Variants in SYNE2 observed in about 807,000 individuals in gnomAD.
SYNE2 encodes the protein spectrin repeat containing nuclear envelope protein 2, also known as nesprin-2.
SYNE2 carries 431 observed loss-of-function variants against 856.3 expected under a neutral mutation model. The observed-to-expected ratio is 0.50, with a 90% CI of 0.47 to 0.55. The LOEUF (loss-of-function observed/expected upper bound fraction) is 0.55, where lower values mean the gene tolerates loss of function less well. Among genes scored for constraint, SYNE2 ranks in the 20% least tolerant of loss-of-function variants. SYNE2 has a pLI of 0.00. For synonymous variants in SYNE2, 2,923 were observed against 2,872.3 expected, an observed-to-expected ratio of 1.02 and a Z score of -0.56; for missense variants, 8,129 against 8,023.2, an observed-to-expected ratio of 1.01 and a Z score of -0.50.
chr14:63,930,490 A>G (rs927399192), intron 2 of SYNE2, among the ~76,000 whole-genome samples: 2 of 149,574 alleles, frequency 1.3e-5, no homozygotes, highest in Non-Finnish European at 3.0e-5. Flanking sequence ...CCCTCTGTAC[A>G]CCTTCATCTG....
chr14:64,161,447 G>A (rs1218744745), intron 87 of SYNE2, among the ~76,000 whole-genome samples: 1 of 152,006 alleles, frequency 6.6e-6, no homozygotes, highest in Non-Finnish European at 1.5e-5. Context: ...GAACATTTGT[G>A]TAAACAGATA....
chr14:63,785,860 T>A (rs1887502949), intron 1 of SYNE2, among the ~76,000 whole-genome samples: 1 of 151,618 alleles, frequency 6.6e-6, no homozygotes, highest in African/African-American at 2.4e-5. Context: ...AGGTCCAGCA[T>A]TTTGGGAGGC....
At chr14:63,969,592 C>T (rs1022781805) in intron 11 of SYNE2, among the ~76,000 whole-genome samples, 2 of 152,078 alleles carry the variant, frequency 1.3e-5, no homozygotes, top group Non-Finnish European at 2.9e-5. Flanking sequence ...CCACCCGCCT[C>T]GGCCTCCCAA....
At chr14:64,094,434 T>C (rs2097659115) in intron 61 of SYNE2, among the ~76,000 whole-genome samples, 1 of 152,236 alleles carries the variant, frequency 6.6e-6, no homozygotes, top group South Asian at 2.1e-4. Context: ...TTTCAGTCTT[T>C]GTTTTTGAAG....
chr14:63,776,119 A>G (rs772195394), intron 1 of SYNE2, among the ~76,000 whole-genome samples: 1 of 152,214 alleles, frequency 6.6e-6, no homozygotes, highest in Non-Finnish European at 1.5e-5. Flanking sequence ...TCGATGCCAC[A>G]ATTAAAATGA....
chr14:64,170,477 G>A lies in SYNE2; in HGVS notation c.17235+15G>A, dbSNP rs770514146. 9.0e-5 allele frequency: 144 copies of A among 1,594,440 alleles called. No individual in the cohort carries two copies. The highest frequency in any genetic ancestry group is 1.0e-4 in the Non-Finnish European group (121 of 1,168,880). ...ATGAGCTGAAGGTAGTGTATGCATC[G>A]TAGCAGTGTGAGAACCACAGGGTGG... is the stretch of plus-strand genomic sequence containing the variant. On this transcript the variant is annotated intron_variant, in intron 94 of 115. Coordinates refer to ENST00000555002, the MANE Select transcript of SYNE2 (RefSeq NM_182914.3).
chr14:63,857,175 G>A (rs80134068), intron 1 of SYNE2, among the ~76,000 whole-genome samples: 1,598 of 152,260 alleles, frequency 0.01, 31 homozygotes, highest in African/African-American at 0.036. Context: ...GCCAATGATA[G>A]CTTTCTGTCT....
rs1275650183 is a variant in SYNE2, at chr14:63,876,489, T to A, written c.-52+23346T>A. 4.4e-5 allele frequency among the ~76,000 whole-genome samples: 5 copies of A among 112,650 alleles called. No homozygotes were observed. The Admixed American group carries it at 5.3e-4, about 12-fold the overall frequency. The allele number at this position is 112,650 out of a possible 152,430, so 73.9% of individuals were successfully genotyped here. ...AAAAAAAACAAGCAACAAGCAAATA[T>A]GTTCCTTTTTTTTTTTGAGACCGAG... On this transcript the variant is annotated intron_variant, in intron 1 of 115. Transcript: ENST00000555002.
At chr14:63,783,633 T>C (rs1887410079) in intron 1 of SYNE2, among the ~76,000 whole-genome samples, 3 of 152,178 alleles carry the variant, frequency 2.0e-5, no homozygotes, top group Admixed American at 2.0e-4. Flanking sequence ...CTGAATCTAA[T>C]TATGATGAAA....
Position 63,888,471 on chromosome 14 carries a change from C to T in SYNE2, c.-51-20627C>T, listed in dbSNP as rs971637010. On this transcript the variant is annotated intron_variant, in intron 1 of 115. Transcript: ENST00000555002. Reference sequence around the variant, plus strand: ...GGTCCTTGTTACTGCTGCCTATTCACCATTCCTACCCTCCTGGAAATTAGC... The same window carrying T: ...GGTCCTTGTTACTGCTGCCTATTCATCATTCCTACCCTCCTGGAAATTAGC... 7.2e-5 allele frequency among the ~76,000 whole-genome samples: 11 copies of T among 152,254 alleles called. No individual in the cohort carries two copies. In the East Asian group the frequency reaches 1.7e-3, roughly 24 times the overall value.
At chr14:64,041,586 T>C (rs559340927) in intron 45 of SYNE2, among the ~76,000 whole-genome samples, 2 of 152,276 alleles carry the variant, frequency 1.3e-5, no homozygotes, top group East Asian at 1.9e-4. Flanking sequence ...CTCTGGCTCA[T>C]GCCTGTAATC....
rs138754331 is a variant in SYNE2, at chr14:63,931,407, G to A, written c.80-9207G>A. On this transcript the variant is annotated intron_variant, in intron 2 of 115. Coordinates refer to ENST00000555002, the MANE Select transcript of SYNE2 (RefSeq NM_182914.3). ...TGTACTAAAAATACAAAAATTAGCC[G>A]GGCGTGGTGGAGGGCACCTGTAATC... Among the ~76,000 whole-genome samples, 770 of 151,898 alleles carry A rather than the reference G, an allele frequency of 5.1e-3. 4 individuals are homozygous for A. Among genetic ancestry groups the A allele is most frequent in the African/African-American group, 0.018 (732 of 41,418 alleles).
intron 11 of SYNE2, among the ~76,000 whole-genome samples, chr14:63,973,338 G>A (rs970590701): frequency 6.6e-6 from 1 of 150,902 alleles, no homozygotes; most frequent in East Asian, 2.0e-4. Context: ...AATGATTTAC[G>A]ATTGTAGAAT....
At chr14:64,218,599 A>G in intron 109 of SYNE2, 87 bp downstream of exon 109, 1 of 1,303,912 alleles carries the variant, frequency 7.7e-7, no homozygotes, top group Non-Finnish European at 1.1e-6. Flanking sequence ...GATATTAACC[A>G]ACTATACGAT....
chr14:63,773,582 A>G (rs902174779), intron 1 of SYNE2, among the ~76,000 whole-genome samples: 1 of 152,124 alleles, frequency 6.6e-6, no homozygotes, highest in Non-Finnish European at 1.5e-5. Flanking sequence ...TGGGGGTCTC[A>G]CTATGCTGCC....
At chr14:63,958,037 A>G (rs371789945) in intron 8 of SYNE2, among the ~76,000 whole-genome samples, 26 of 152,100 alleles carry the variant, frequency 1.7e-4, no homozygotes, top group Non-Finnish European at 3.7e-4. Context: ...GTGAGACTCC[A>G]TCTCAAAAAA....
At chr14:63,892,936 A>G (rs1006242267) in intron 1 of SYNE2, among the ~76,000 whole-genome samples, 34 of 152,036 alleles carry the variant, frequency 2.2e-4, no homozygotes, top group African/African-American at 8.2e-4. Flanking sequence ...GATGATCACA[A>G]CAAATACATA....
chr14:63,785,338 G>A (rs868228290), intron 1 of SYNE2, among the ~76,000 whole-genome samples: 3 of 152,064 alleles, frequency 2.0e-5, no homozygotes, highest in Non-Finnish European at 2.9e-5. Context: ...CACACCTGTG[G>A]TCCTAGCTAC....
intron 78 of SYNE2, among the ~76,000 whole-genome samples, chr14:64,135,152 T>C (rs1218948711): frequency 6.6e-6 from 1 of 152,198 alleles, no homozygotes; most frequent in Non-Finnish European, 1.5e-5. Context: ...AAAAACAAGT[T>C]TTAAGTCTTC....
Sources: allele counts gnomAD v4.1 joint callset (sites outside exome capture counted in the v4.1 genomes callset), GRCh38; gene constraint gnomAD v4.1.1; transcripts MANE v1.5; gene names NCBI Gene and HGNC (gene_info 2026-07-23, HGNC 2026-07-21).